Variants in TRPM6 observed in about 807,000 individuals in gnomAD.
The protein encoded by TRPM6 is transient receptor potential cation channel subfamily M member 6, also known as channel kinase 2.
In TRPM6, 111 loss-of-function variants were observed where a neutral mutation model predicts 247.6. The observed-to-expected ratio is 0.45, with a 90% CI of 0.38 to 0.52. The LOEUF is 0.52. TRPM6 is among the 20% of genes least tolerant of loss of function. TRPM6 has a pLI of 0.00. For synonymous variants in TRPM6, 892 were observed against 853.8 expected (o/e 1.04, Z -0.78); for missense variants, 2,126 against 2,421.5 (o/e 0.88, Z 2.56).
At chr9:74,827,675 C>G (rs1200344970) in intron 7 of TRPM6, 103 bp downstream of exon 7, 1 of 1,254,516 alleles carries the variant, frequency 8.0e-7, no homozygotes, top group Non-Finnish European at 1.2e-6. Flanking sequence ...AGGAGGCTAG[C>G]TTGAGGGGAC....
intron 18 of TRPM6, among the ~76,000 whole-genome samples, chr9:74,794,782 A>G (rs1029823925): frequency 2.0e-5 from 3 of 152,164 alleles, no homozygotes; most frequent in Non-Finnish European, 4.4e-5. Context: ...ACATAAATTC[A>G]GATTTTTTTT....
chr9:74,724,431 C>T lies in TRPM6; in HGVS notation c.*182G>A. ...GCTGCAAAGTGCCCTGGACAGAGGT[C>T]AGTGTCTAGGAGAACCCATTGATCA... is the stretch of plus-strand genomic sequence containing the variant. On this transcript the variant is annotated 3_prime_UTR_variant, in exon 39 of 39. Coordinates refer to ENST00000360774, the MANE Select transcript of TRPM6 (RefSeq NM_017662.5). The T allele has an allele frequency of 1.3e-6, 1 of 796,414 alleles. No homozygotes were observed. The highest frequency in any genetic ancestry group is 1.7e-5 in the South Asian group (1 of 60,294). The allele number at this position is 796,414 out of a possible 1,614,324, so 49.3% of individuals were successfully genotyped here. A position where few individuals can be genotyped will look rare whatever the true frequency, so the allele number is the denominator to read the frequency against.
intron 7 of TRPM6, among the ~76,000 whole-genome samples, chr9:74,826,594 A>C (rs903957243): frequency 2.0e-5 from 3 of 152,080 alleles, no homozygotes; most frequent in Non-Finnish European, 4.4e-5. Flanking sequence ...TTCCCTGCCC[A>C]GTGGTGCATG....
intron 3 of TRPM6, among the ~76,000 whole-genome samples, chr9:74,845,676 A>G (rs1272842304): frequency 6.6e-6 from 1 of 152,068 alleles, no homozygotes; most frequent in Non-Finnish European, 1.5e-5. Flanking sequence ...ACAAAAAAAT[A>G]TAAAAAATTA....
At chr9:74,835,266 C>G (rs1829686718) in intron 5 of TRPM6, among the ~76,000 whole-genome samples, 1 of 152,142 alleles carries the variant, frequency 6.6e-6, no homozygotes, top group African/African-American at 2.4e-5. Flanking sequence ...CCTTTGCCCA[C>G]TTTTTGATGG....
At position 74,722,947 on chromosome 9, in the gene TRPM6, T is replaced by C. The variant is rs557674557; in HGVS notation, c.*1666A>G. 3.3e-5 allele frequency: 5 copies of C among 152,268 alleles called. No homozygotes were observed. The highest frequency in any genetic ancestry group is 1.2e-4 in the African/African-American group (5 of 41,554). The allele number at this position is 152,268 out of a possible 1,614,324, so 9.4% of individuals were successfully genotyped here. A position where few individuals can be genotyped will look rare whatever the true frequency, so the allele number is the denominator to read the frequency against. On this transcript the variant is annotated 3_prime_UTR_variant, in exon 39 of 39. Transcript: ENST00000360774. ...ACTAGCAAGTCAGCTAATGTCAGGATTAAAGATAAAAATAAGTTGGAATTT... is the reference window on the plus strand; with the variant it reads ...ACTAGCAAGTCAGCTAATGTCAGGACTAAAGATAAAAATAAGTTGGAATTT...
At chr9:74,873,504 G>GA (rs1232799822) in intron 1 of TRPM6, among the ~76,000 whole-genome samples, 1 of 152,150 alleles carries the variant, frequency 6.6e-6, no homozygotes, top group Non-Finnish European at 1.5e-5. Flanking sequence ...AAGCACATAC[G>GA]AGAATTATGA....
intron 2 of TRPM6, 81 bp from the exon 3 acceptor site, chr9:74,855,646 T>C: frequency 1.1e-6 from 1 of 923,262 alleles, no homozygotes; most frequent in African/African-American, 1.6e-5. Context: ...AAATATCTAT[T>C]ATTTTCCATG....
At chr9:74,812,664 T>C (rs967134516) in intron 11 of TRPM6, among the ~76,000 whole-genome samples, 2 of 151,190 alleles carry the variant, frequency 1.3e-5, no homozygotes, top group Non-Finnish European at 2.9e-5. Flanking sequence ...CTGAGGCAGG[T>C]GGATTGCTTG....
At chr9:74,854,626 C>T (rs1830464302) in intron 3 of TRPM6, among the ~76,000 whole-genome samples, 1 of 152,092 alleles carries the variant, frequency 6.6e-6, no homozygotes, top group Non-Finnish European at 1.5e-5. Context: ...GTTTCCTCTC[C>T]CCATGATTTG....
intron 9 of TRPM6, 130 bp downstream of exon 9, chr9:74,820,174 T>A: frequency 2.0e-6 from 2 of 1,002,272 alleles, no homozygotes; most frequent in Non-Finnish European, 3.0e-6. Flanking sequence ...CCCTCCACCC[T>A]GACAGGCCCC....
intron 6 of TRPM6, among the ~76,000 whole-genome samples, chr9:74,828,971 C>T (rs966820813): frequency 2.1e-4 from 32 of 152,122 alleles, no homozygotes; most frequent in Non-Finnish European, 2.5e-4. Flanking sequence ...TATTTTGACA[C>T]TGACTTTTCT....
intron 1 of TRPM6, among the ~76,000 whole-genome samples, chr9:74,871,070 C>T (rs900159672): frequency 3.3e-5 from 5 of 152,110 alleles, no homozygotes; most frequent in Non-Finnish European, 7.4e-5. Context: ...TAGCAAAAAA[C>T]AACCAAAACA....
Position 74,812,330 on chromosome 9 carries a change from G to C in TRPM6, c.1412C>G (p.Thr471Ser). 6.2e-7 allele frequency: 1 copy of C among 1,613,846 alleles called. No individual in the cohort carries two copies. Among genetic ancestry groups the C allele is most frequent in the Non-Finnish European group, 8.5e-7 (1 of 1,179,870 alleles). The part of the protein sequence containing the change: ...EYGVNLHRFL[T>S]IPRLEELYNT... The stretch of plus-strand genomic sequence containing the variant: ...GTAGAGCTCTTCCAGTCGAGGGATG[G>C]TAAGAAAGCGATGGAGGTTCACTCC... The change falls in exon 12 of 39, where the codon ACC becomes AGC. Residue 471 changes from threonine (T) to serine (S), a missense_variant. Coordinates refer to ENST00000360774, the MANE Select transcript of TRPM6 (RefSeq NM_017662.5).
intron 24 of TRPM6, among the ~76,000 whole-genome samples, chr9:74,773,553 C>T (rs1421434523): frequency 6.6e-6 from 1 of 152,180 alleles, no homozygotes; most frequent in Non-Finnish European, 1.5e-5. Flanking sequence ...TTGGCTTTCA[C>T]TGTTGCCTAA....
At position 74,762,036 on chromosome 9, in the gene TRPM6, A is replaced by T. The variant is rs564588315; in HGVS notation, c.4635T>A (p.His1545Gln). 2.6e-5 allele frequency: 42 copies of T among 1,614,144 alleles called. No individual in the cohort carries two copies. In the South Asian group the frequency reaches 4.4e-4, roughly 17 times the overall value. Residue 1545 changes from histidine to glutamine, a missense_variant, in exon 26 of 39, where the codon CAT becomes CAA. Coordinates refer to ENST00000360774, the MANE Select transcript of TRPM6 (RefSeq NM_017662.5). ...AGATCTTCATCAATTTCTCCTCCTT[A>T]TGGAATCTAAAACTATGACTCCTAG... ...PFARSHSFRFHKEEKLMKICK... is the reference protein window; with the variant it reads ...PFARSHSFRFQKEEKLMKICK...
chr9:74,821,250 A>G (rs1829119902), intron 8 of TRPM6, among the ~76,000 whole-genome samples: 2 of 152,220 alleles, frequency 1.3e-5, no homozygotes, highest in Admixed American at 1.3e-4. Context: ...GACATATGCT[A>G]TGAAAATGTC....
At chr9:74,798,868 T>A (rs1454146094) in intron 17 of TRPM6, among the ~76,000 whole-genome samples, 1 of 152,198 alleles carries the variant, frequency 6.6e-6, no homozygotes, top group Non-Finnish European at 1.5e-5. Flanking sequence ...GTCTCCTTTT[T>A]GGTATGAAGT....
intron 25 of TRPM6, among the ~76,000 whole-genome samples, chr9:74,765,950 CCTT>C (rs1459353307): frequency 6.6e-6 from 1 of 152,146 alleles, no homozygotes; most frequent in Non-Finnish European, 1.5e-5. Flanking sequence ...TGCTTCCTGA[CCTT>C]CTGGAATCTG....
Sources: allele counts gnomAD v4.1 joint callset (sites outside exome capture counted in the v4.1 genomes callset), GRCh38; gene constraint gnomAD v4.1.1; transcripts MANE v1.5; gene names NCBI Gene and HGNC (gene_info 2026-07-23, HGNC 2026-07-21).